The following ZNF536 variants were observed in gnomAD, a reference collection of about 807,000 sequenced individuals.
ZNF536 encodes zinc finger protein 536.
In ZNF536, 13 loss-of-function variants were observed where a neutral mutation model predicts 84.5. The observed-to-expected ratio is 0.15, with a 90% CI of 0.10 to 0.24. ZNF536 has a LOEUF of 0.24. Ranked by LOEUF, ZNF536 falls within the 10% of genes least tolerant of loss-of-function variation. The pLI, the probability that ZNF536 is intolerant of heterozygous loss-of-function variation, is 1.00. For synonymous variants in ZNF536, 811 were observed against 742.5 expected, an observed-to-expected ratio of 1.09 and a Z score of -1.50; for missense variants, 1,536 against 1,747.5, an observed-to-expected ratio of 0.88 and a Z score of 2.16.
At chr19:30,355,252 GC>G (rs2048055440) in intron 3 of ZNF536, among the ~76,000 whole-genome samples, 1 of 152,096 alleles carries the variant, frequency 6.6e-6, no homozygotes, top group Non-Finnish European at 1.5e-5. Flanking sequence ...GAGAGAGGCG[GC>G]GAGGGAAGGG....
chr19:30,368,145 A>G (rs951141880), upstream of ZNF536, among the ~76,000 whole-genome samples: 1 of 151,142 alleles, frequency 6.6e-6, no homozygotes, highest in Non-Finnish European at 1.5e-5. Flanking sequence ...AGAAGCATAT[A>G]CTCCCCCACT....
intron 3 of ZNF536, among the ~76,000 whole-genome samples, chr19:30,546,407 G>A (rs2045560329): frequency 6.6e-6 from 1 of 152,200 alleles, no homozygotes; most frequent in Non-Finnish European, 1.5e-5. Context: ...CTGAAAAAGT[G>A]TCCAGGAGAG....
chr19:30,630,768 A>G (rs1004242268), intron 1 of ZNF536, among the ~76,000 whole-genome samples: 1 of 152,178 alleles, frequency 6.6e-6, no homozygotes, highest in African/African-American at 2.4e-5. Context: ...ACACCCACCC[A>G]GGGCTTTAGG....
intron 1 of ZNF536, among the ~76,000 whole-genome samples, chr19:30,417,316 A>G (rs2050777125): frequency 6.6e-6 from 1 of 151,720 alleles, no homozygotes; most frequent in African/African-American, 2.4e-5. Flanking sequence ...TTTACTTTCC[A>G]TCCTCAGGAA....
At chr19:30,233,966 G>T (rs1409087234) in intron 1 of ZNF536, among the ~76,000 whole-genome samples, 1 of 152,146 alleles carries the variant, frequency 6.6e-6, no homozygotes, top group East Asian at 1.9e-4. Flanking sequence ...TTGGGGGCTG[G>T]TAGGGCCAAA....
intron 2 of ZNF536, among the ~76,000 whole-genome samples, chr19:30,317,264 C>T (rs2046710167): frequency 6.6e-6 from 1 of 152,116 alleles, no homozygotes; most frequent in African/African-American, 2.4e-5. Context: ...AACTGAGGGG[C>T]AGGGGGCTTA....
chr19:30,547,556 T>C (rs2045603424), intron 3 of ZNF536, among the ~76,000 whole-genome samples: 1 of 152,268 alleles, frequency 6.6e-6, no homozygotes. Flanking sequence ...TTTAGATCTA[T>C]TGTATACACA....
downstream of ZNF536, among the ~76,000 whole-genome samples, chr19:30,562,460 C>CAAAAG (rs960944619): frequency 3.3e-5 from 5 of 151,800 alleles, no homozygotes; most frequent in East Asian, 1.9e-4. Flanking sequence ...GTTAAAATAG[C>CAAAAG]AAAAGAAAAG....
At chr19:30,256,451 G>A (rs2024921548) in intron 1 of ZNF536, among the ~76,000 whole-genome samples, 1 of 152,088 alleles carries the variant, frequency 6.6e-6, no homozygotes, top group Non-Finnish European at 1.5e-5. Context: ...TTCATGATTC[G>A]GTATTGGCAA....
chr19:30,525,998 G>A (rs149921606), intron 2 of ZNF536, among the ~76,000 whole-genome samples: 195 of 152,336 alleles, frequency 1.3e-3, no homozygotes, highest in African/African-American at 4.5e-3. Flanking sequence ...GGAGATGGCA[G>A]CGGCCTGGGC....
intron 1 of ZNF536, among the ~76,000 whole-genome samples, chr19:30,607,267 C>T (rs905758948): frequency 6.6e-6 from 1 of 151,832 alleles, no homozygotes; most frequent in Non-Finnish European, 1.5e-5. Context: ...TCATGTGAAA[C>T]TTTTTTTTGT....
chr19:30,346,257 C>T (rs1051273025), intron 2 of ZNF536, among the ~76,000 whole-genome samples: 5 of 152,204 alleles, frequency 3.3e-5, no homozygotes, highest in African/African-American at 7.2e-5. Flanking sequence ...AAGATTTCCT[C>T]GGGAAAAGGA....
chr19:30,615,340 A>C (rs2048252888), intron 1 of ZNF536, among the ~76,000 whole-genome samples: 1 of 152,012 alleles, frequency 6.6e-6, no homozygotes, highest in Non-Finnish European at 1.5e-5. Context: ...CCTTTCTCCA[A>C]CCCAATGGCT....
intron 2 of ZNF536, among the ~76,000 whole-genome samples, chr19:30,480,253 C>A (rs1044959357): frequency 6.6e-6 from 1 of 152,176 alleles, no homozygotes; most frequent in Non-Finnish European, 1.5e-5. Flanking sequence ...CGTGGGTCAA[C>A]AGGTCTCTCT....
chr19:30,386,755 C>CCTGG (rs908529296), intron 1 of ZNF536, among the ~76,000 whole-genome samples: 32 of 152,218 alleles, frequency 2.1e-4, no homozygotes, highest in African/African-American at 7.7e-4. Flanking sequence ...TAGGGCAGGG[C>CCTGG]CTGGCGCACA....
chr19:30,675,636 T>C (rs2050727150), intron 1 of ZNF536, among the ~76,000 whole-genome samples: 1 of 152,216 alleles, frequency 6.6e-6, no homozygotes, highest in Admixed American at 6.5e-5. Flanking sequence ...TTGAGATGTC[T>C]GTTTCTGCTT....
intron 1 of ZNF536, among the ~76,000 whole-genome samples, chr19:30,635,126 T>C (rs7247029): frequency 0.94 from 143,300 of 152,180 alleles, 67,813 homozygotes; most frequent in Non-Finnish European, 0.99. Flanking sequence ...TTTAGGGACA[T>C]ACCATATCCC....
intron 2 of ZNF536, among the ~76,000 whole-genome samples, chr19:30,348,633 G>T (rs1600326762): frequency 6.6e-6 from 1 of 152,254 alleles, no homozygotes; most frequent in South Asian, 2.1e-4. Context: ...CCAGGGCTGG[G>T]ACATGAAAGG....
chr19:30,670,321 G>A (rs2050496980), intron 1 of ZNF536, among the ~76,000 whole-genome samples: 1 of 152,162 alleles, frequency 6.6e-6, no homozygotes, highest in Non-Finnish European at 1.5e-5. Flanking sequence ...CCCGTCTTTT[G>A]CCCTCATTCG....
Sources: gnomAD v4.1 joint callset for allele counts (sites outside exome capture counted in the v4.1 genomes callset) on GRCh38, gnomAD v4.1.1 for gene constraint, MANE v1.5 for transcripts, NCBI Gene and HGNC (gene_info 2026-07-23, HGNC 2026-07-21) for gene names.